The following DTNB variants were observed in gnomAD, a reference collection of about 807,000 sequenced individuals.
The protein encoded by DTNB is dystrobrevin beta.
DTNB carries 63 observed loss-of-function variants against 90.7 expected under a neutral mutation model. The ratio of observed to expected loss-of-function variants is 0.69; its 90% CI spans 0.57 to 0.86. DTNB has a LOEUF of 0.86. DTNB is among the 40% of genes least tolerant of loss of function. The pLI is 0.00. For missense variants in DTNB, 744 were observed against 807.1 expected, an observed-to-expected ratio of 0.92 and a Z score of 0.95; for synonymous variants, 277 against 286.7, an observed-to-expected ratio of 0.97 and a Z score of 0.34.
Position 25,434,399 on chromosome 2 carries a change from C to CTTTTTTTT in DTNB, c.1258-412_1258-405dup, listed in dbSNP as rs1179596539. Among the ~76,000 whole-genome samples the CTTTTTTTT allele has an allele frequency of 4.2e-4, 40 of 95,498 alleles. 1 individual carries two copies. The highest frequency in any genetic ancestry group is 8.1e-4 in the African/African-American group (19 of 23,320). The allele number at this position is 95,498 out of a possible 152,430, so 62.7% of individuals were successfully genotyped here. On this transcript the variant is annotated intron_variant, in intron 12 of 20. Coordinates refer to ENST00000406818, the MANE Select transcript of DTNB (RefSeq NM_021907.5). ...AATTCATGTTTTTCCATGAACTAGT[C>CTTTTTTTT]TTTTTTTTTTTTTTTTTTTTTTGAG...
chr2:25,628,603 C>A (rs2074988208), intron 3 of DTNB, among the ~76,000 whole-genome samples: 2 of 152,168 alleles, frequency 1.3e-5, no homozygotes, highest in Non-Finnish European at 2.9e-5. Context: ...CCAGCCTTCA[C>A]ATTTAAATAG....
intron 8 of DTNB, among the ~76,000 whole-genome samples, chr2:25,564,841 A>G (rs1222906395): frequency 1.3e-5 from 2 of 152,250 alleles, no homozygotes; most frequent in East Asian, 3.8e-4. Context: ...ATAGAGAAAT[A>G]TAACTAATTT....
At chr2:25,411,628 A>T (rs2046638365) in intron 16 of DTNB, among the ~76,000 whole-genome samples, 1 of 152,162 alleles carries the variant, frequency 6.6e-6, no homozygotes, top group South Asian at 2.1e-4. Context: ...CTCATTTACC[A>T]ACAGACATCT....
intron 6 of DTNB, among the ~76,000 whole-genome samples, chr2:25,594,087 T>C (rs1198758422): frequency 6.6e-6 from 1 of 152,150 alleles, no homozygotes; most frequent in Non-Finnish European, 1.5e-5. Flanking sequence ...AGATAAAAAA[T>C]GCAGAAGAGC....
intron 9 of DTNB, among the ~76,000 whole-genome samples, chr2:25,529,309 A>G (rs2077705129): frequency 6.6e-6 from 1 of 152,190 alleles, no homozygotes; most frequent in Non-Finnish European, 1.5e-5. Flanking sequence ...CAAATGCAGA[A>G]AGCGAGCGGC....
At chr2:25,397,281 T>C (rs2042621468) in intron 16 of DTNB, among the ~76,000 whole-genome samples, 5 of 146,340 alleles carry the variant, frequency 3.4e-5, no homozygotes, top group African/African-American at 1.3e-4. Flanking sequence ...GAGGCTGCAG[T>C]GAGCTGAGAT....
intron 8 of DTNB, among the ~76,000 whole-genome samples, chr2:25,550,119 C>T (rs184123700): frequency 1.4e-4 from 22 of 151,892 alleles, no homozygotes; most frequent in Non-Finnish European, 2.5e-4. Context: ...TGGCCGGGCG[C>T]GGTGGCTCAC....
At chr2:25,566,400 C>G (rs957451677) in intron 8 of DTNB, among the ~76,000 whole-genome samples, 6 of 152,230 alleles carry the variant, frequency 3.9e-5, no homozygotes, top group East Asian at 1.9e-4. Context: ...CTGGAGTAGA[C>G]AGCCTGGACT....
chr2:25,575,587 T>C (rs117237058), intron 8 of DTNB, among the ~76,000 whole-genome samples: 9 of 152,232 alleles, frequency 5.9e-5, no homozygotes, highest in East Asian at 3.9e-4. Context: ...TAGATGTGGG[T>C]TGAAGTTTGT....
intron 2 of DTNB, among the ~76,000 whole-genome samples, chr2:25,651,691 A>G (rs2080971707): frequency 6.6e-6 from 1 of 152,212 alleles, no homozygotes; most frequent in Non-Finnish European, 1.5e-5. Context: ...AAAGGTGTCA[A>G]ATATGTCGAG....
chr2:25,599,428 A>G (rs1265144697), intron 5 of DTNB, among the ~76,000 whole-genome samples: 1 of 151,144 alleles, frequency 6.6e-6, no homozygotes, highest in African/African-American at 2.4e-5. Context: ...TGCAAGCTCC[A>G]CCTCCTGGGT....
At chr2:25,398,065 C>T (rs573912395) in intron 16 of DTNB, among the ~76,000 whole-genome samples, 97 of 152,290 alleles carry the variant, frequency 6.4e-4, no homozygotes, top group Non-Finnish European at 1.2e-3. Context: ...AACATCCAGG[C>T]TGCTTCATAA....
At chr2:25,651,615 C>A (rs190104683) in intron 2 of DTNB, among the ~76,000 whole-genome samples, 57 of 152,338 alleles carry the variant, frequency 3.7e-4, no homozygotes, top group African/African-American at 1.3e-3. Context: ...AGTTATCCAG[C>A]CTATGACTGA....
chr2:25,455,616 G>A lies in DTNB; in HGVS notation c.1080-122C>T, dbSNP rs949933223. ...TTAAAAAATAATAAATCATGATAAG[G>A]AAAACAATAAAAAACCCACAATGCA... On this transcript the variant is annotated intron_variant, in intron 10 of 20. Coordinates refer to ENST00000406818, the MANE Select transcript of DTNB (RefSeq NM_021907.5). The A allele has an allele frequency of 7.3e-6, 6 of 818,794 alleles. No individual in the cohort carries two copies. In the African/African-American group the frequency reaches 1.0e-4, roughly 14 times the overall value. 50.7% of individuals were successfully genotyped at this position (818,794 alleles called of 1,614,324 possible). A position where few individuals can be genotyped will look rare whatever the true frequency, so the allele number is the denominator to read the frequency against.
At chr2:25,645,310 A>AT (rs2079177430) in intron 2 of DTNB, among the ~76,000 whole-genome samples, 1 of 150,842 alleles carries the variant, frequency 6.6e-6, no homozygotes, top group Non-Finnish European at 1.5e-5. Context: ...TTGAGCTGAG[A>AT]TTGAGCCATT....
intron 18 of DTNB, among the ~76,000 whole-genome samples, chr2:25,386,608 T>C (rs900248553): frequency 3.9e-5 from 6 of 152,178 alleles, no homozygotes; most frequent in African/African-American, 1.4e-4. Context: ...GATAGGAGGA[T>C]ACGTGAATGG....
At chr2:25,575,535 T>A (rs1015129184) in intron 8 of DTNB, among the ~76,000 whole-genome samples, 1 of 152,054 alleles carries the variant, frequency 6.6e-6, no homozygotes, top group Non-Finnish European at 1.5e-5. Flanking sequence ...AAAAAAAGGA[T>A]CTTTAACAGA....
chr2:25,485,227 T>A (rs1454413402), intron 9 of DTNB, among the ~76,000 whole-genome samples: 1 of 152,212 alleles, frequency 6.6e-6, no homozygotes, highest in African/African-American at 2.4e-5. Flanking sequence ...TAGGCTGGTC[T>A]TGAACTCCTG....
rs560287104 is a variant in DTNB at position 25,514,681 on chromosome 2, C to CT, written c.1001+16791dup. On this transcript the variant is annotated intron_variant, in intron 9 of 20. Transcript: ENST00000406818. ...AAAAAGAAACATCTTTGAAAAAAAT[C>CT]TTTTTTTTTTTTTTTTTTTTTGGTG... 6.9e-3 allele frequency among the ~76,000 whole-genome samples: 686 copies of CT among 98,868 alleles called. 10 individuals carry two copies. Among genetic ancestry groups the CT allele is most frequent in the Middle Eastern group, 0.011 (2 of 180 alleles). The allele number at this position is 98,868 out of a possible 152,430, so 64.9% of individuals were successfully genotyped here. A position where few individuals can be genotyped will look rare whatever the true frequency, so the allele number is the denominator to read the frequency against.
Sources: allele counts gnomAD v4.1 joint callset (sites outside exome capture counted in the v4.1 genomes callset), GRCh38; gene constraint gnomAD v4.1.1; transcripts MANE v1.5; gene names NCBI Gene and HGNC (gene_info 2026-07-23, HGNC 2026-07-21).